The following HUWE1 variants were observed in gnomAD, a reference collection of about 807,000 sequenced individuals.
HUWE1 encodes the protein HECT, UBA and WWE domain containing E3 ubiquitin protein ligase 1.
Under a neutral mutation model 299.4 loss-of-function variants are expected in HUWE1, and 18 were observed. The ratio of observed to expected loss-of-function variants is 0.06; its 90% CI spans 0.04 to 0.09. The LOEUF (loss-of-function observed/expected upper bound fraction) is 0.09. HUWE1 is among the 10% of genes least tolerant of loss of function. HUWE1 has a pLI of 1.00. For synonymous variants in HUWE1, 1,317 were observed against 1,286.1 expected, an observed-to-expected ratio of 1.02 and a Z score of -0.51; for missense variants, 1,832 against 3,462.3, an observed-to-expected ratio of 0.53 and a Z score of 11.82.
intron 19 of HUWE1, among the ~76,000 whole-genome samples, chrX:53,624,007 T>A (rs998798769): frequency 1.8e-5 from 2 of 112,752 alleles, no homozygotes; most frequent in African/African-American, 6.4e-5. Context: ...AATGTACTAC[T>A]TATCGAAGGT....
intron 3 of HUWE1, among the ~76,000 whole-genome samples, chrX:53,668,599 ATC>A (rs1274836106): frequency 9.0e-6 from 1 of 111,620 alleles, no homozygotes. Flanking sequence ...GTTGCCATAC[ATC>A]TCTGAGTCCA....
At chrX:53,600,096 A>G in intron 29 of HUWE1, 22 bp downstream of exon 29, 5 of 1,177,301 alleles carry the variant, frequency 4.2e-6, no homozygotes, top group Non-Finnish European at 5.8e-6. Flanking sequence ...CAGAAAAGGT[A>G]GGAGAAAGGA....
intron 74 of HUWE1, among the ~76,000 whole-genome samples, chrX:53,541,273 G>A (rs782471983): frequency 8.9e-6 from 1 of 112,021 alleles, no homozygotes; most frequent in East Asian, 2.8e-4. Context: ...GCAGTAAATG[G>A]GGGAGCCAAG....
intron 8 of HUWE1, 25 bp downstream of exon 8, chrX:53,634,211 A>G (rs1557024884): frequency 1.8e-6 from 2 of 1,141,504 alleles, no homozygotes; most frequent in Middle Eastern, 4.7e-4. Flanking sequence ...GTCAAAAGAC[A>G]CCCATATCCC....
rs782001390 is a variant in HUWE1 at position 53,547,746 on chromosome X, C to A, written c.10563G>T (p.Thr3521=). Residue 3521 remains threonine, a synonymous_variant, in exon 68 of 84, where the codon ACG becomes ACT. Coordinates refer to ENST00000262854, the MANE Select transcript of HUWE1 (RefSeq NM_031407.7). ...CAGCTACGACAATGGTGGAAATAGC[C>A]GTGGCAGCAACCAGGGCTGGAGCAG... ...VTSAPALVAA[T]AISTIVVAAS... is the part of the protein sequence containing the mutation. 4.5e-5 allele frequency: 54 copies of A among 1,202,726 alleles called. No individual in the cohort carries two copies. The highest frequency in any genetic ancestry group is 5.4e-5 in the Non-Finnish European group (48 of 891,009).
intron 23 of HUWE1, among the ~76,000 whole-genome samples, chrX:53,611,053 G>A (rs782763055): frequency 3.6e-5 from 4 of 110,332 alleles, no homozygotes; most frequent in Non-Finnish European, 7.6e-5. Flanking sequence ...GAGTGAGTCT[G>A]AGTGTAGAAA....
chrX:53,568,953 T>TA (rs1165369550), intron 48 of HUWE1, 79 bp from the exon 49 acceptor site: 1 of 851,772 alleles, frequency 1.2e-6, no homozygotes, highest in Non-Finnish European at 1.7e-6. Flanking sequence ...TAGCCTCAGA[T>TA]AACCCTCCTG....
chrX:53,639,284 G>A (rs2067417646), intron 7 of HUWE1, among the ~76,000 whole-genome samples: 1 of 111,923 alleles, frequency 8.9e-6, no homozygotes, highest in African/African-American at 3.2e-5. Context: ...AAGTCACACT[G>A]AGATTTCTGG....
chrX:53,630,149 A>G (rs1320156177), intron 12 of HUWE1, among the ~76,000 whole-genome samples: 3 of 112,125 alleles, frequency 2.7e-5, no homozygotes, highest in African/African-American at 9.7e-5. Flanking sequence ...GGATTTAGGC[A>G]TATTCATTTA....
At chrX:53,603,617 C>A in intron 26 of HUWE1, 116 bp from the exon 27 acceptor site, 1 of 655,189 alleles carries the variant, frequency 1.5e-6, no homozygotes, top group East Asian at 3.5e-5. Flanking sequence ...CATTGCTATT[C>A]TCAGAGTTAT....
chrX:53,546,657 T>C, intron 69 of HUWE1, 47 bp downstream of exon 69: 1 of 1,210,330 alleles, frequency 8.3e-7, no homozygotes, highest in Non-Finnish European at 1.1e-6. Flanking sequence ...CTACCCTGTT[T>C]ATCCTTTCTC....
At position 53,645,605 on chromosome X, in the gene HUWE1, C is replaced by T. The variant is rs1187726230; in HGVS notation, c.352-142G>A. 12 of 604,108 alleles carry T rather than the reference C, an allele frequency of 2.0e-5. 1 individual carries two copies. Among genetic ancestry groups the T allele is most frequent in the Admixed American group, 5.9e-5 (2 of 33,981 alleles). The allele number at this position is 604,108 out of a possible 1,213,427, so 49.8% of individuals were successfully genotyped here. A position where few individuals can be genotyped will look rare whatever the true frequency, so the allele number is the denominator to read the frequency against. ...CAAAAAATATATAAGTATTTGTACTCGGGAGGCTGAGGCAGGAGAATGGTG... is the reference window on the plus strand; with the variant it reads ...CAAAAAATATATAAGTATTTGTACTTGGGAGGCTGAGGCAGGAGAATGGTG... On this transcript the variant is annotated intron_variant, in intron 6 of 83. Transcript: ENST00000262854.
intron 3 of HUWE1, among the ~76,000 whole-genome samples, chrX:53,663,082 G>A (rs2069085538): frequency 8.9e-6 from 1 of 112,630 alleles, no homozygotes; most frequent in Non-Finnish European, 1.9e-5. Flanking sequence ...TCAAAATGAG[G>A]TATGTCCACT....
chrX:53,613,419 T>C (rs1557004355), intron 23 of HUWE1, among the ~76,000 whole-genome samples: 3 of 111,797 alleles, frequency 2.7e-5, no homozygotes. Context: ...TTCATAGCTG[T>C]GCCTAAAATG....
intron 37 of HUWE1, among the ~76,000 whole-genome samples, chrX:53,587,977 T>C (rs936044007): frequency 1.8e-5 from 2 of 111,918 alleles, no homozygotes; most frequent in Non-Finnish European, 3.8e-5. Flanking sequence ...CACATCCAAT[T>C]TGCATACCCT....
At chrX:53,643,112 GCCTAAGGA>G (rs1479592290) in intron 7 of HUWE1, among the ~76,000 whole-genome samples, 5 of 112,015 alleles carry the variant, frequency 4.5e-5, no homozygotes, top group Non-Finnish European at 7.5e-5. Context: ...TAGTGTAAGG[GCCTAAGGA>G]GTAGCCTGGA....
chrX:53,614,065 G>T (rs1557005060), intron 23 of HUWE1, among the ~76,000 whole-genome samples: 1 of 111,058 alleles, frequency 9.0e-6, no homozygotes, highest in East Asian at 2.8e-4. Context: ...GGGAGTTTGA[G>T]ATTAGCCTGG....
At chrX:53,627,363 C>G (rs1569499296) in intron 17 of HUWE1, 47 bp downstream of exon 17, 2 of 807,259 alleles carry the variant, frequency 2.5e-6, no homozygotes, top group Admixed American at 2.3e-5. Context: ...GGTGGGATGA[C>G]AAAAAATCTC....
intron 78 of HUWE1, chrX:53,537,127 C>G: frequency 4.3e-6 from 1 of 231,102 alleles, no homozygotes. Flanking sequence ...AATCATTAAA[C>G]AACTCCAATA....
Sources: allele counts gnomAD v4.1 joint callset (sites outside exome capture counted in the v4.1 genomes callset), GRCh38; gene constraint gnomAD v4.1.1; transcripts MANE v1.5; gene names NCBI Gene and HGNC (gene_info 2026-07-23, HGNC 2026-07-21).